The following ATP2B1 variants were observed in gnomAD, a reference collection of about 807,000 sequenced individuals.
ATP2B1 encodes the protein ATPase plasma membrane Ca2+ transporting 1, also known as plasma membrane calcium-transporting ATPase 1.
ATP2B1 carries 14 observed loss-of-function variants against 124.2 expected under a neutral mutation model. The ratio of observed to expected loss-of-function variants is 0.11; its 90% CI spans 0.07 to 0.18. ATP2B1 has a LOEUF of 0.18. Ranked by LOEUF, ATP2B1 falls within the 10% of genes least tolerant of loss-of-function variation. ATP2B1 has a pLI of 1.00. For missense variants in ATP2B1, 763 were observed against 1,466.1 expected (o/e 0.52, Z 7.83); for synonymous variants, 449 against 492.4 (o/e 0.91, Z 1.17).
At chr12:89,698,121 T>C (rs1891392554) in intron 1 of ATP2B1, among the ~76,000 whole-genome samples, 1 of 152,070 alleles carries the variant, frequency 6.6e-6, no homozygotes, top group African/African-American at 2.4e-5. Context: ...TCCACTCATA[T>C]CTTTTATCAC....
chr12:89,680,846 A>G (rs893370093), intron 1 of ATP2B1, among the ~76,000 whole-genome samples: 3 of 152,168 alleles, frequency 2.0e-5, no homozygotes, highest in Non-Finnish European at 4.4e-5. Flanking sequence ...AAAAACAAAC[A>G]TTACTTTAAA....
chr12:89,621,912 G>A (rs1880027906), intron 9 of ATP2B1, 121 bp from the exon 10 acceptor site: 55 of 1,052,460 alleles, frequency 5.2e-5, no homozygotes, highest in Non-Finnish European at 6.7e-5. Flanking sequence ...TAAATACAAT[G>A]TATAAAGTAC....
chr12:89,631,418 T>C (rs369030869), intron 5 of ATP2B1, among the ~76,000 whole-genome samples: 4 of 152,296 alleles, frequency 2.6e-5, no homozygotes, highest in African/African-American at 9.6e-5. Flanking sequence ...CAATGTCACA[T>C]TTCCCACACC....
At chr12:89,701,947 G>A (rs1891904722) in intron 1 of ATP2B1, among the ~76,000 whole-genome samples, 1 of 152,140 alleles carries the variant, frequency 6.6e-6, no homozygotes, top group South Asian at 2.1e-4. Context: ...TGGACAGTCA[G>A]CAATACTACA....
At chr12:89,617,215 G>A (rs1053879371) in intron 11 of ATP2B1, among the ~76,000 whole-genome samples, 176 bp from the exon 12 acceptor site, 1 of 152,104 alleles carries the variant, frequency 6.6e-6, no homozygotes, top group African/African-American at 2.4e-5. Context: ...TTACAAAACA[G>A]AACTAATATG....
At chr12:89,670,518 A>T (rs1186668515) in intron 1 of ATP2B1, among the ~76,000 whole-genome samples, 2 of 152,058 alleles carry the variant, frequency 1.3e-5, no homozygotes, top group African/African-American at 4.8e-5. Flanking sequence ...GGTTTGGAGT[A>T]TGAAAGATCC....
chr12:89,649,049 G>T (rs1314698268), intron 2 of ATP2B1, among the ~76,000 whole-genome samples: 1 of 152,276 alleles, frequency 6.6e-6, no homozygotes, highest in African/African-American at 2.4e-5. Context: ...AGAAAGGCTT[G>T]GTGCCACAAG....
chr12:89,640,225 A>AT (rs1565857255), intron 3 of ATP2B1, among the ~76,000 whole-genome samples: 1 of 152,016 alleles, frequency 6.6e-6, no homozygotes, highest in Non-Finnish European at 1.5e-5. Flanking sequence ...CACCCCCATT[A>AT]TTTTTTTTAA....
chr12:89,595,213 C>T (rs1245351471), intron 20 of ATP2B1, among the ~76,000 whole-genome samples: 3 of 151,960 alleles, frequency 2.0e-5, no homozygotes, highest in East Asian at 1.9e-4. Flanking sequence ...GAATGGGCAA[C>T]GCTGCATTCC....
intron 1 of ATP2B1, among the ~76,000 whole-genome samples, chr12:89,682,782 AG>A (rs374016999): frequency 4.6e-4 from 70 of 152,342 alleles, no homozygotes; most frequent in African/African-American, 1.4e-3. Context: ...ATCGGAGTAC[AG>A]GGTAAGGTTT....
At chr12:89,668,142 A>G (rs1356614686) in intron 1 of ATP2B1, among the ~76,000 whole-genome samples, 1 of 152,152 alleles carries the variant, frequency 6.6e-6, no homozygotes, top group Non-Finnish European at 1.5e-5. Flanking sequence ...GGCAACACAG[A>G]AAAAAGCTGC....
intron 15 of ATP2B1, among the ~76,000 whole-genome samples, chr12:89,608,266 T>A (rs532021186): frequency 1.3e-5 from 2 of 152,272 alleles, no homozygotes; most frequent in South Asian, 4.1e-4. Flanking sequence ...CCTCCTGGGT[T>A]CAAGTGATTC....
chr12:89,676,439 C>A (rs965833366), intron 1 of ATP2B1, among the ~76,000 whole-genome samples: 1 of 152,090 alleles, frequency 6.6e-6, no homozygotes, highest in African/African-American at 2.4e-5. Context: ...TTTTCTCCCT[C>A]TCTCGCTACA....
chr12:89,604,416 C>T lies in ATP2B1; in HGVS notation c.2443-70G>A, dbSNP rs1012752365. On this transcript the variant is annotated intron_variant, in intron 15 of 20. Transcript: ENST00000428670. ...AACTTTCAAATAGTCAAAAAATACA[C>T]ACTTAATAAACAAAAAGTTTACCAT... The T allele has an allele frequency of 4.8e-6, 6 of 1,242,132 alleles. No homozygotes were observed. In the African/African-American group the frequency reaches 6.1e-5, roughly 13 times the overall value. 76.9% of individuals were successfully genotyped at this position (1,242,132 alleles called of 1,614,324 possible). A position where few individuals can be genotyped will look rare whatever the true frequency, so the allele number is the denominator to read the frequency against.
In ATP2B1 at chr12:89,603,773, C is replaced by G. The variant is rs970617542; in HGVS notation, c.2787G>C (p.Met929Ile). The change falls in exon 17 of 21, where the codon ATG (methionine) becomes ATC (isoleucine). Residue 929 changes from methionine to isoleucine, a missense_variant. Physicochemically the swap from Met to Ile is conservative, Grantham distance 10 (BLOSUM62 1). Transcript: ENST00000428670. The surrounding 1 kb of genome is among the most constrained non-coding windows in gnomAD (Gnocchi z 4.3). ...AGAATGCATGACCCAAAATATTCTT[C>G]ATCATTGTACGTGAGATGAGAGGCT... is the stretch of plus-strand genomic sequence containing the variant. The part of the protein sequence containing the change: ...RNKPLISRTM[M>I]KNILGHAFYQ... The G allele has an allele frequency of 6.2e-7, 1 of 1,613,990 alleles. No homozygotes were observed. The highest frequency in any genetic ancestry group is 1.3e-5 in the African/African-American group (1 of 74,914).
At chr12:89,648,430 G>T (rs1256827945) in intron 2 of ATP2B1, among the ~76,000 whole-genome samples, 1 of 152,194 alleles carries the variant, frequency 6.6e-6, no homozygotes, top group Non-Finnish European at 1.5e-5. Context: ...ATCTGTGGAA[G>T]TTTGAACTTA....
intron 1 of ATP2B1, among the ~76,000 whole-genome samples, chr12:89,670,514 G>C (rs913847268): frequency 1.3e-5 from 2 of 151,864 alleles, no homozygotes; most frequent in African/African-American, 4.8e-5. Context: ...CTGAGGTTTG[G>C]AGTATGAAAG....
At chr12:89,599,362 G>C (rs1450050700) in intron 19 of ATP2B1, 63 bp from the exon 20 acceptor site, 16 of 1,536,462 alleles carry the variant, frequency 1.0e-5, no homozygotes, top group Non-Finnish European at 1.4e-5. Flanking sequence ...CTGATCAACT[G>C]TAATACTAAA....
chr12:89,622,012 C>T (rs1440110335), intron 9 of ATP2B1, among the ~76,000 whole-genome samples: 1 of 151,710 alleles, frequency 6.6e-6, no homozygotes, highest in Non-Finnish European at 1.5e-5. Context: ...GGGTTTCAAT[C>T]ATTTTATTGC....
Sources: gnomAD v4.1 joint callset for allele counts (sites outside exome capture counted in the v4.1 genomes callset) on GRCh38, gnomAD v4.1.1 for gene constraint, Gnocchi (gnomAD v3.1) non-coding constraint, MANE v1.5 for transcripts, NCBI Gene and HGNC (gene_info 2026-07-23, HGNC 2026-07-21) for gene names.